Variants in GNAQ observed in about 807,000 individuals in gnomAD.
GNAQ encodes the protein guanine nucleotide-binding protein G(q) subunit alpha.
A neutral mutation model predicts 43.9 loss-of-function variants in GNAQ; 8 were observed. That is an observed-to-expected ratio of 0.18 (90% CI 0.11 to 0.33). The LOEUF (loss-of-function observed/expected upper bound fraction) is 0.33. Among genes scored for constraint, GNAQ ranks in the 10% least tolerant of loss-of-function variants. The pLI, the probability that GNAQ is intolerant of heterozygous loss-of-function variation, is 1.00. For missense variants in GNAQ, 158 were observed against 450.8 expected, an observed-to-expected ratio of 0.35 and a Z score of 5.88; for synonymous variants, 155 against 170.7, an observed-to-expected ratio of 0.91 and a Z score of 0.71.
At chr9:77,845,704 CACTT>C (rs1457761334) in intron 2 of GNAQ, among the ~76,000 whole-genome samples, 1 of 152,184 alleles carries the variant, frequency 6.6e-6, no homozygotes, top group Non-Finnish European at 1.5e-5. Flanking sequence ...GCAGCAAAGA[CACTT>C]ACTGTAAAAC....
chr9:77,927,095 A>G (rs1033134673), intron 1 of GNAQ, among the ~76,000 whole-genome samples: 1 of 152,132 alleles, frequency 6.6e-6, no homozygotes, highest in Non-Finnish European at 1.5e-5. Context: ...TGATGCTTCC[A>G]TTTTAGGCCT....
At chr9:77,931,985 C>G (rs1829160056) in intron 1 of GNAQ, among the ~76,000 whole-genome samples, 1 of 152,082 alleles carries the variant, frequency 6.6e-6, no homozygotes, top group Non-Finnish European at 1.5e-5. Flanking sequence ...CCTCAGTAGT[C>G]AAGAGAAATA....
chr9:77,903,033 G>A (rs966652667), intron 2 of GNAQ, among the ~76,000 whole-genome samples: 3 of 152,090 alleles, frequency 2.0e-5, no homozygotes, highest in East Asian at 1.9e-4. Flanking sequence ...TCAATGGTCT[G>A]TTAGATGAAG....
intron 5 of GNAQ, among the ~76,000 whole-genome samples, chr9:77,760,087 G>A (rs1049478732): frequency 1.3e-5 from 2 of 150,128 alleles, no homozygotes; most frequent in African/African-American, 2.4e-5. Context: ...TTTAATTGAG[G>A]TGAAATTCAC....
intron 1 of GNAQ, among the ~76,000 whole-genome samples, chr9:77,996,074 C>G (rs1381888945): frequency 6.7e-6 from 1 of 150,290 alleles, no homozygotes; most frequent in Non-Finnish European, 1.5e-5. Context: ...AATCAGGAAC[C>G]CACACAAAAC....
chr9:78,020,852 C>T (rs1823900022), intron 1 of GNAQ, among the ~76,000 whole-genome samples: 1 of 152,098 alleles, frequency 6.6e-6, no homozygotes, highest in African/African-American at 2.4e-5. Context: ...GGAAGCCCAA[C>T]GCTGATAAGT....
At chr9:77,977,221 T>C (rs1001458908) in intron 1 of GNAQ, among the ~76,000 whole-genome samples, 7 of 152,086 alleles carry the variant, frequency 4.6e-5, no homozygotes, top group Admixed American at 4.6e-4. Context: ...AACCCTCTAG[T>C]TAGCTCCTTC....
intron 1 of GNAQ, among the ~76,000 whole-genome samples, chr9:77,965,933 A>T (rs1823161690): frequency 6.6e-6 from 1 of 152,182 alleles, no homozygotes; most frequent in Non-Finnish European, 1.5e-5. Flanking sequence ...GAAACAATCC[A>T]AGTCTCCATC....
chr9:77,855,279 A>ATCT (rs1827734909), intron 2 of GNAQ, among the ~76,000 whole-genome samples: 1 of 152,208 alleles, frequency 6.6e-6, no homozygotes, highest in East Asian at 1.9e-4. Flanking sequence ...ATTACAGAGG[A>ATCT]TATAAATAAA....
intron 1 of GNAQ, among the ~76,000 whole-genome samples, chr9:77,926,152 A>G (rs1679490529): frequency 6.6e-6 from 1 of 152,196 alleles, no homozygotes; most frequent in African/African-American, 2.4e-5. Context: ...TGTTCCATAC[A>G]GTTCTATGAC....
intron 1 of GNAQ, among the ~76,000 whole-genome samples, chr9:77,946,321 G>C (rs961249830): frequency 2.6e-5 from 4 of 152,156 alleles, no homozygotes; most frequent in African/African-American, 7.2e-5. Flanking sequence ...CTTAAACTAA[G>C]AGAATCACAC....
chr9:77,958,180 C>T (rs745718020), intron 1 of GNAQ, among the ~76,000 whole-genome samples: 16 of 152,074 alleles, frequency 1.1e-4, no homozygotes, highest in East Asian at 1.9e-4. Context: ...TCTGGAATGG[C>T]GTAAATTATC....
intron 2 of GNAQ, among the ~76,000 whole-genome samples, chr9:77,896,981 A>C (rs1214767895): frequency 1.3e-5 from 2 of 152,274 alleles, no homozygotes; most frequent in Non-Finnish European, 2.9e-5. Context: ...TACACTACTA[A>C]GGACTAAGCA....
chr9:77,843,441 C>A (rs1827524215), intron 2 of GNAQ, among the ~76,000 whole-genome samples: 1 of 152,164 alleles, frequency 6.6e-6, no homozygotes, highest in Non-Finnish European at 1.5e-5. Context: ...TTTCTTTATT[C>A]CTTTCACAGA....
At chr9:77,764,844 C>T (rs1160199081) in intron 5 of GNAQ, among the ~76,000 whole-genome samples, 1 of 152,198 alleles carries the variant, frequency 6.6e-6, no homozygotes, top group East Asian at 1.9e-4. Context: ...CTGGCTTCAA[C>T]AAGAACCAGT....
At chr9:77,730,218 CAGTT>C (rs1825466441) in intron 5 of GNAQ, among the ~76,000 whole-genome samples, 1 of 152,178 alleles carries the variant, frequency 6.6e-6, no homozygotes, top group Non-Finnish European at 1.5e-5. Flanking sequence ...AAAATACTCT[CAGTT>C]GGTAAACCTG....
chr9:77,954,923 G>A (rs1823024117), intron 1 of GNAQ, among the ~76,000 whole-genome samples: 1 of 152,094 alleles, frequency 6.6e-6, no homozygotes, highest in Admixed American at 6.5e-5. Flanking sequence ...TAGCACTCTG[G>A]GTAACATGTT....
At chr9:77,842,685 C>T (rs960412047) in intron 2 of GNAQ, among the ~76,000 whole-genome samples, 2 of 152,138 alleles carry the variant, frequency 1.3e-5, no homozygotes, top group African/African-American at 4.8e-5. Flanking sequence ...TGCTAGGATT[C>T]TCTCAGTCTT....
chr9:78,015,424 G>T (rs1051131387), intron 1 of GNAQ, among the ~76,000 whole-genome samples: 1 of 152,112 alleles, frequency 6.6e-6, no homozygotes, highest in African/African-American at 2.4e-5. Flanking sequence ...AAAATTTCTG[G>T]AATAGGAGAA....
Sources: gnomAD v4.1 joint callset for allele counts (sites outside exome capture counted in the v4.1 genomes callset) on GRCh38, gnomAD v4.1.1 for gene constraint, MANE v1.5 for transcripts, NCBI Gene and HGNC (gene_info 2026-07-23, HGNC 2026-07-21) for gene names.